The following QTRT2 variants were observed in gnomAD, a reference collection of about 807,000 sequenced individuals.
QTRT2 encodes the protein queuine tRNA-ribosyltransferase accessory subunit 2.
In QTRT2, 32 loss-of-function variants were observed where a neutral mutation model predicts 44.8. The ratio of observed to expected loss-of-function variants is 0.71; its 90% CI spans 0.54 to 0.96. The LOEUF is 0.96. Ranked by LOEUF, QTRT2 falls within the 40% of genes least tolerant of loss-of-function variation. The pLI, the probability that QTRT2 is intolerant of heterozygous loss-of-function variation, is 0.00. For missense variants in QTRT2, 461 were observed against 503.1 expected, an observed-to-expected ratio of 0.92 and a Z score of 0.80; for synonymous variants, 182 against 187.4, an observed-to-expected ratio of 0.97 and a Z score of 0.24.
intron 8 of QTRT2, among the ~76,000 whole-genome samples, chr3:114,082,205 CA>C (rs1363361462): frequency 0.15 from 59 of 396 alleles, no homozygotes; most frequent in African/African-American, 0.18. Context: ...ATAACCCCAC[CA>C]CACACACACA....
chr3:114,086,004 T>C lies in QTRT2; in HGVS notation c.*100T>C. ...AAATAATCTGAGCTTTAATTATTTA[T>C]ATTTGGATATAAGGTCTGCTTAAAT... On this transcript the variant is annotated 3_prime_UTR_variant, in exon 10 of 10. Coordinates refer to ENST00000281273, the MANE Select transcript of QTRT2 (RefSeq NM_024638.4). The C allele has an allele frequency of 2.1e-6, 2 of 945,778 alleles. No individual in the cohort carries two copies. The highest frequency in any genetic ancestry group is 2.6e-5 in the East Asian group (1 of 39,030). The allele number at this position is 945,778 out of a possible 1,614,324, so 58.6% of individuals were successfully genotyped here. A position where few individuals can be genotyped will look rare whatever the true frequency, so the allele number is the denominator to read the frequency against.
chr3:114,081,080 T>C (rs2077160279), intron 8 of QTRT2, among the ~76,000 whole-genome samples: 1 of 152,248 alleles, frequency 6.6e-6, no homozygotes, highest in Non-Finnish European at 1.5e-5. Flanking sequence ...CAGAGGTAAC[T>C]GTTAGTCATT....
chr3:114,080,174 A>G (rs2077149422), intron 8 of QTRT2, 117 bp downstream of exon 8: 1 of 784,686 alleles, frequency 1.3e-6, no homozygotes, highest in Non-Finnish European at 2.0e-6. Flanking sequence ...ACAAAACTAC[A>G]TCTCTGTTTC....
At chr3:114,080,709 C>T (rs754978179) in intron 8 of QTRT2, among the ~76,000 whole-genome samples, 1 of 152,132 alleles carries the variant, frequency 6.6e-6, no homozygotes, top group African/African-American at 2.4e-5. Flanking sequence ...CCCAGTCTTC[C>T]CTCTGGCCTT....
chr3:114,066,322 T>C (rs1308403567), intron 4 of QTRT2, 39 bp downstream of exon 4: 1 of 1,287,650 alleles, frequency 7.8e-7, no homozygotes, highest in Non-Finnish European at 1.1e-6. Flanking sequence ...TGTGATGTGT[T>C]AATTTGGAGT....
At chr3:114,068,196 TGG>T in intron 5 of QTRT2, 133 bp downstream of exon 5, 1 of 706,512 alleles carries the variant, frequency 1.4e-6, no homozygotes, top group Non-Finnish European at 2.5e-6. Flanking sequence ...ATAATTATAG[TGG>T]GATGGGATGG....
chr3:114,066,276 G>A lies in QTRT2; in HGVS notation c.249G>A (p.Lys83=). ...CAGAATATAAAGAAGGAGTTGGAAA[G>A]TTTATAGGTAAAAATTAAGTTACTT... is the stretch of plus-strand genomic sequence containing the variant. The part of the protein sequence containing the change: ...VLTEYKEGVG[K]FIGMPESLLY... Residue 83 remains lysine (K), a synonymous_variant, in exon 4 of 10, where the codon AAG becomes AAA. Transcript: ENST00000281273. 6.2e-7 allele frequency: 1 copy of A among 1,601,814 alleles called. No individual in the cohort carries two copies. The highest frequency in any genetic ancestry group is 8.6e-7 in the Non-Finnish European group (1 of 1,169,324).
chr3:114,069,683 G>A, intron 5 of QTRT2, among the ~76,000 whole-genome samples: 1 of 152,118 alleles, frequency 6.6e-6, no homozygotes, highest in African/African-American at 2.4e-5. Context: ...CTTTGCTATT[G>A]TGAATAGTGC....
At chr3:114,079,014 A>G (rs2077128948) in intron 7 of QTRT2, 1 of 151,764 alleles carries the variant, frequency 6.6e-6, no homozygotes, top group Non-Finnish European at 1.5e-5. Context: ...ATAGTGGATT[A>G]AAATGTCTTT....
At chr3:114,059,243 G>C (rs771905904) in intron 2 of QTRT2, among the ~76,000 whole-genome samples, 1 of 152,076 alleles carries the variant, frequency 6.6e-6, no homozygotes, top group African/African-American at 2.4e-5. Context: ...CACTCTTAAG[G>C]GTTTTTCCTT....
rs2077232056 is a variant in QTRT2 at position 114,085,969 on chromosome 3, C to T, written c.*65C>T. 1.2e-5 allele frequency: 14 copies of T among 1,203,160 alleles called. No individual in the cohort carries two copies. The highest frequency in any genetic ancestry group is 2.3e-5 in the East Asian group (1 of 42,710). The allele number at this position is 1,203,160 out of a possible 1,614,324, so 74.5% of individuals were successfully genotyped here. A position where few individuals can be genotyped will look rare whatever the true frequency, so the allele number is the denominator to read the frequency against. On this transcript the variant is annotated 3_prime_UTR_variant, in exon 10 of 10. Transcript: ENST00000281273. ...GTACCACTGTTGTAACATGGGAAGA[C>T]GTGAAGAAGAAATAATCTGAGCTTT...
At chr3:114,064,000 AG>A (rs762997881) in intron 2 of QTRT2, among the ~76,000 whole-genome samples, 7 of 152,096 alleles carry the variant, frequency 4.6e-5, no homozygotes, top group Non-Finnish European at 7.4e-5. Context: ...GGATCACCTG[AG>A]GTCAGGAGTT....
Position 114,074,420 on chromosome 3 carries a change from T to C in QTRT2, c.547-2323T>C, listed in dbSNP as rs182272419. ...CTTGGACAACTAATCAGTCAAGTTATGTTGATCCTACTTCCTGATAGGTTT... is the reference window on the plus strand; with the variant it reads ...CTTGGACAACTAATCAGTCAAGTTACGTTGATCCTACTTCCTGATAGGTTT... On this transcript the variant is annotated intron_variant, in intron 6 of 9. Transcript: ENST00000281273. 9.6e-4 allele frequency among the ~76,000 whole-genome samples: 146 copies of C among 152,368 alleles called. 4 individuals carry two copies. In the East Asian group the frequency reaches 0.016, roughly 16 times the overall value.
Position 114,070,821 on chromosome 3 carries a change from C to T in QTRT2, c.529C>T (p.Leu177=), listed in dbSNP as rs761402616. The T allele has an allele frequency of 3.1e-6, 5 of 1,613,696 alleles. No homozygotes were observed. The highest frequency in any genetic ancestry group is 2.2e-5 in the East Asian group (1 of 44,888). ...TCTTTTCTTGGATAACTGTCTGCGG[C>T]TGCAGGAAGAGTCAGAGGTAAGGCT... ...SLLFLDNCLR[L]QEESEVLQKS... Residue 177 remains leucine, a synonymous_variant, in exon 6 of 10, where the codon CTG becomes TTG. Transcript: ENST00000281273.
At chr3:114,076,979 G>A in intron 7 of QTRT2, 37 bp downstream of exon 7, 2 of 1,594,196 alleles carry the variant, frequency 1.3e-6, no homozygotes, top group Non-Finnish European at 1.7e-6. Context: ...GGCCTCAAGG[G>A]ATGCAGGGAA....
Position 114,087,115 on chromosome 3 carries a change from C to A in QTRT2, c.*1211C>A, listed in dbSNP as rs574555693. The A allele has an allele frequency of 6.6e-6, 1 of 152,182 alleles. No individual in the cohort carries two copies. The highest frequency in any genetic ancestry group is 2.4e-5 in the African/African-American group (1 of 41,444). 9.4% of individuals were successfully genotyped at this position (152,182 alleles called of 1,614,324 possible). On this transcript the variant is annotated 3_prime_UTR_variant, in exon 10 of 10. Coordinates refer to ENST00000281273, the MANE Select transcript of QTRT2 (RefSeq NM_024638.4). Reference sequence around the variant, plus strand: ...AAGTTTTCTATAAGGAATACACATACACCCACATGCACACACCATAGTTTT... The same window carrying A: ...AAGTTTTCTATAAGGAATACACATAAACCCACATGCACACACCATAGTTTT...
rs2077014590 is a variant in QTRT2, at chr3:114,070,782, G to C, written c.490G>C (p.Val164Leu). The change falls in exon 6 of 10, where the codon GTT (valine) becomes CTT (leucine). Residue 164 changes from valine to leucine, a missense_variant. By Grantham distance (32) the Val-to-Leu change is conservative. Transcript: ENST00000281273. Reference protein sequence around the residue: ...ATSIKRVRKSVDRSLLFLDNC... With the variant: ...ATSIKRVRKSLDRSLLFLDNC... ...TTCCATAAAAAGGGTCAGAAAGTCT[G>C]TTGACCGATCACTTCTTTTCTTGGA... is the stretch of plus-strand genomic sequence containing the variant. 3 of 1,613,942 alleles carry C rather than the reference G, an allele frequency of 1.9e-6. No individual in the cohort carries two copies. The highest frequency in any genetic ancestry group is 2.5e-6 in the Non-Finnish European group (3 of 1,179,994).
chr3:114,085,757 G>A lies in QTRT2; in HGVS notation c.1101G>A (p.Leu367=). The stretch of plus-strand genomic sequence containing the variant: ...ACACTCGGGCATACATCCACCATCT[G>A]CTGGTGACCAATGAGCTGCTGGCCG... ...KNHTRAYIHH[L]LVTNELLAGV... Residue 367 remains leucine (L), a synonymous_variant, in exon 10 of 10, where the codon CTG becomes CTA. Coordinates refer to ENST00000281273, the MANE Select transcript of QTRT2 (RefSeq NM_024638.4). 1 of 1,614,188 alleles carries A rather than the reference G, an allele frequency of 6.2e-7. No homozygotes were observed. The highest frequency in any genetic ancestry group is 1.7e-5 in the Admixed American group (1 of 60,012).
At chr3:114,060,925 A>G (rs1266857447) in intron 2 of QTRT2, among the ~76,000 whole-genome samples, 1 of 152,210 alleles carries the variant, frequency 6.6e-6, no homozygotes, top group Non-Finnish European at 1.5e-5. Context: ...TGGCGTCTAC[A>G]GTGTGAAGAT....
Sources: allele counts gnomAD v4.1 joint callset (sites outside exome capture counted in the v4.1 genomes callset), GRCh38; gene constraint gnomAD v4.1.1; transcripts MANE v1.5; gene names NCBI Gene and HGNC (gene_info 2026-07-23, HGNC 2026-07-21).